Variants in RABGAP1L observed in about 807,000 individuals in gnomAD.
The protein encoded by RABGAP1L is rab GTPase-activating protein 1-like.
A neutral mutation model predicts 137.7 loss-of-function variants in RABGAP1L; 63 were observed. The observed-to-expected ratio is 0.46, with a 90% CI of 0.37 to 0.56. RABGAP1L has a LOEUF of 0.56. Among genes scored for constraint, RABGAP1L ranks in the 20% least tolerant of loss-of-function variants. The probability of loss-of-function intolerance (pLI) is 0.00; values close to 1 mark genes in which losing one functional copy is unlikely to be tolerated. For synonymous variants in RABGAP1L, 431 were observed against 433.7 expected (o/e 0.99, Z 0.08); for missense variants, 1,095 against 1,244.0 (o/e 0.88, Z 1.80).
chr1:174,854,715 CTTTTT>C lies in RABGAP1L; in HGVS notation c.2340+42796_2340+42800del, dbSNP rs71117584. The stretch of plus-strand genomic sequence containing the variant: ...AACTGCAATAGACTCAATATAAATG[CTTTTT>C]TTTTTTTTTTTTTTTTTTTTTTTTT... On this transcript the variant is annotated intron_variant, in intron 19 of 25. Coordinates refer to ENST00000681986, the MANE Select transcript of RABGAP1L (RefSeq NM_001366446.1). Among the ~76,000 whole-genome samples, 14 of 56,832 alleles carry C rather than the reference CTTTTT, an allele frequency of 2.5e-4. No individual in the cohort carries two copies. In the South Asian group the frequency reaches 2.6e-3, roughly 11 times the overall value. The allele number at this position is 56,832 out of a possible 152,430, so 37.3% of individuals were successfully genotyped here.
intron 13 of RABGAP1L, among the ~76,000 whole-genome samples, chr1:174,513,873 C>T (rs1461349404): frequency 6.6e-6 from 1 of 152,000 alleles, no homozygotes; most frequent in Non-Finnish European, 1.5e-5. Flanking sequence ...AGATCTGTAA[C>T]TAAGAGGCAA....
At chr1:174,489,014 G>A (rs1034671872) in intron 13 of RABGAP1L, among the ~76,000 whole-genome samples, 2 of 147,826 alleles carry the variant, frequency 1.4e-5, no homozygotes, top group Admixed American at 7.0e-5. Flanking sequence ...GAGAACATGC[G>A]GTGTTTGGTT....
At chr1:174,520,114 A>G (rs918192466) in intron 13 of RABGAP1L, among the ~76,000 whole-genome samples, 2 of 152,240 alleles carry the variant, frequency 1.3e-5, no homozygotes, top group African/African-American at 2.4e-5. Context: ...GTTGTAGCCA[A>G]TCTGCCTGAG....
intron 19 of RABGAP1L, among the ~76,000 whole-genome samples, chr1:174,861,501 T>A (rs1268243538): frequency 2.0e-5 from 3 of 152,192 alleles, no homozygotes; most frequent in African/African-American, 4.8e-5. Context: ...CTGCAGTAGT[T>A]CCATTTTTTA....
At chr1:174,913,093 T>A (rs116358324) in intron 19 of RABGAP1L, among the ~76,000 whole-genome samples, 3,148 of 152,122 alleles carry the variant, frequency 0.021, 50 homozygotes, top group Middle Eastern at 0.078. Context: ...CTTCCACCTC[T>A]GCCTCCCGAG....
chr1:174,425,394 C>T (rs1023236886), intron 13 of RABGAP1L, among the ~76,000 whole-genome samples: 9 of 152,002 alleles, frequency 5.9e-5, no homozygotes, highest in Non-Finnish European at 1.2e-4. Flanking sequence ...CCATTTAGGA[C>T]TGGGAGAAGC....
rs1037932390 is a variant in RABGAP1L, at chr1:174,890,767, T to G, written c.2341-66690T>G. Reference sequence around the variant, plus strand: ...TGTTCTGTACTTTGCTTTTCTCACTTAACAGTATGTGTTGATTTTTCTATG... The same window carrying G: ...TGTTCTGTACTTTGCTTTTCTCACTGAACAGTATGTGTTGATTTTTCTATG... On this transcript the variant is annotated intron_variant, in intron 19 of 25. Coordinates refer to ENST00000681986, the MANE Select transcript of RABGAP1L (RefSeq NM_001366446.1). 2.6e-5 allele frequency among the ~76,000 whole-genome samples: 4 copies of G among 152,206 alleles called. 1 individual carries two copies. The South Asian group carries it at 8.3e-4, about 32-fold the overall frequency.
chr1:174,707,209 G>T (rs918264210), intron 17 of RABGAP1L, among the ~76,000 whole-genome samples: 1 of 123,708 alleles, frequency 8.1e-6, no homozygotes, highest in Non-Finnish European at 1.7e-5. Flanking sequence ...TCAAGGGCAA[G>T]GTTTTGTTCT....
At chr1:174,550,960 A>G (rs1282323292) in intron 13 of RABGAP1L, among the ~76,000 whole-genome samples, 1 of 124,188 alleles carries the variant, frequency 8.1e-6, no homozygotes, top group Non-Finnish European at 1.6e-5. Flanking sequence ...ATATATATAC[A>G]CATATATATA....
intron 14 of RABGAP1L, among the ~76,000 whole-genome samples, chr1:174,680,362 T>A (rs1677968130): frequency 6.6e-6 from 1 of 152,160 alleles, no homozygotes; most frequent in Non-Finnish European, 1.5e-5. Flanking sequence ...CCCCTTCCAC[T>A]ATGTGAGGAG....
At chr1:174,439,962 G>A (rs867123277) in intron 13 of RABGAP1L, among the ~76,000 whole-genome samples, 41 of 152,160 alleles carry the variant, frequency 2.7e-4, no homozygotes, top group African/African-American at 9.4e-4. Context: ...ATCTGGTCTG[G>A]TTCCCTGTGA....
intron 1 of RABGAP1L, among the ~76,000 whole-genome samples, chr1:174,176,713 GAAAAAAAAAAAA>G (rs71563251): frequency 0.039 from 846 of 21,552 alleles, 33 homozygotes; most frequent in African/African-American, 0.12. Flanking sequence ...CCCTTTTTCA[GAAAAAAAAAAAA>G]AAAAAAAAAA....
At chr1:174,618,801 A>T (rs1450920522) in intron 13 of RABGAP1L, among the ~76,000 whole-genome samples, 1 of 152,186 alleles carries the variant, frequency 6.6e-6, no homozygotes, top group Non-Finnish European at 1.5e-5. Flanking sequence ...AATGACTTTG[A>T]CGAGTTGAGA....
chr1:174,976,179 C>A lies in RABGAP1L; in HGVS notation c.2646C>A (p.Ala882=), dbSNP rs900225240. Reference sequence around the variant, plus strand: ...AGAGGAAGCAAGAGGAAGAGACTGCCCAGGTAAAAGGAATAATATGTAGGC... The same window carrying A: ...AGAGGAAGCAAGAGGAAGAGACTGCACAGGTAAAAGGAATAATATGTAGGC... ...EEKRKQEEET[A]QLKEVFRKQL... The change falls in exon 22 of 26, where the codon GCC becomes GCA. Residue 882 remains alanine, a synonymous_variant. Transcript: ENST00000681986. 1.8e-5 allele frequency: 28 copies of A among 1,546,852 alleles called. No homozygotes were observed. The Admixed American group carries it at 5.3e-4, about 29-fold the overall frequency.
Position 174,991,447 on chromosome 1 carries a change from C to T in RABGAP1L, c.*1446C>T, listed in dbSNP as rs1330378837. 6.6e-6 allele frequency: 1 copy of T among 152,158 alleles called. No homozygotes were observed. Among genetic ancestry groups the T allele is most frequent in the Non-Finnish European group, 1.5e-5 (1 of 67,998 alleles). The allele number at this position is 152,158 out of a possible 1,614,324, so 9.4% of individuals were successfully genotyped here. On this transcript the variant is annotated 3_prime_UTR_variant, in exon 26 of 26. Transcript: ENST00000681986. ...CCATATTTTGCAATTAAAAGTAACA[C>T]ACCCTTAGAAGAATCAAATAAGAGC...
intron 13 of RABGAP1L, among the ~76,000 whole-genome samples, chr1:174,551,879 A>G (rs1022802855): frequency 6.6e-6 from 1 of 152,152 alleles, no homozygotes; most frequent in Non-Finnish European, 1.5e-5. Flanking sequence ...GCAGCCATTA[A>G]AAAGTTAACA....
chr1:174,701,721 T>C (rs1000640848), intron 16 of RABGAP1L, among the ~76,000 whole-genome samples: 3 of 145,748 alleles, frequency 2.1e-5, no homozygotes, highest in African/African-American at 7.6e-5. Context: ...CCAGCCTGGA[T>C]GACAGAGCAA....
chr1:174,552,289 A>G (rs1468255488), intron 13 of RABGAP1L, among the ~76,000 whole-genome samples: 1 of 152,026 alleles, frequency 6.6e-6, no homozygotes, highest in East Asian at 1.9e-4. Context: ...AGTATTCATT[A>G]GTTGTCTTTC....
At chr1:174,550,895 T>TATATATATATATATACAC (rs1456087584) in intron 13 of RABGAP1L, among the ~76,000 whole-genome samples, 1 of 50,968 alleles carries the variant, frequency 2.0e-5, no homozygotes, top group Non-Finnish European at 3.5e-5. Flanking sequence ...TATATATATA[T>TATATATATATATATACAC]ACACACACAC....
Sources: allele counts gnomAD v4.1 joint callset (sites outside exome capture counted in the v4.1 genomes callset), GRCh38; gene constraint gnomAD v4.1.1; transcripts MANE v1.5; gene names NCBI Gene and HGNC (gene_info 2026-07-23, HGNC 2026-07-21).